The following CUL2 variants were observed in gnomAD, a reference collection of about 807,000 sequenced individuals.
The protein encoded by CUL2 is cullin-2.
Under a neutral mutation model 110.2 loss-of-function variants are expected in CUL2, and 22 were observed. The ratio of observed to expected loss-of-function variants is 0.20; its 90% CI spans 0.14 to 0.28. The LOEUF is 0.28. Among genes scored for constraint, CUL2 ranks in the 10% least tolerant of loss-of-function variants. CUL2 has a pLI of 1.00. For missense variants in CUL2, 631 were observed against 905.5 expected, an observed-to-expected ratio of 0.70 and a Z score of 3.89; for synonymous variants, 279 against 293.2, an observed-to-expected ratio of 0.95 and a Z score of 0.49.
intron 20 of CUL2, 66 bp from the exon 21 acceptor site, chr10:35,010,508 C>T: frequency 1.3e-6 from 2 of 1,488,150 alleles, no homozygotes; most frequent in Non-Finnish European, 1.8e-6. Flanking sequence ...GACTTTTAAC[C>T]AATCAGTTTA....
chr10:35,087,557 T>G (rs1017070803), intron 1 of CUL2, among the ~76,000 whole-genome samples: 1 of 152,128 alleles, frequency 6.6e-6, no homozygotes, highest in Non-Finnish European at 1.5e-5. Flanking sequence ...CAACTTAACA[T>G]GTCCAATCCA....
intron 1 of CUL2, among the ~76,000 whole-genome samples, chr10:35,075,682 A>ACACACACACG (rs1383849124): frequency 1.4e-5 from 2 of 139,082 alleles, no homozygotes; most frequent in African/African-American, 5.3e-5. Context: ...ACACACACAC[A>ACACACACACG]CGCACGCTCC....
intron 2 of CUL2, among the ~76,000 whole-genome samples, chr10:35,100,288 C>T (rs1482064021): frequency 6.6e-6 from 1 of 152,012 alleles, no homozygotes; most frequent in Non-Finnish European, 1.5e-5. Flanking sequence ...CCAAACATTC[C>T]GCTAGAAATA....
At chr10:35,075,792 AT>A (rs1404979173) in intron 1 of CUL2, among the ~76,000 whole-genome samples, 2 of 152,220 alleles carry the variant, frequency 1.3e-5, no homozygotes, top group African/African-American at 4.8e-5. Context: ...TTTTTATTAC[AT>A]TTGAAAACAC....
chr10:35,126,486 G>A (rs1171168498), intron 1 of CUL2: 1 of 152,842 alleles, frequency 6.5e-6, no homozygotes, highest in African/African-American at 2.4e-5. Flanking sequence ...AGGATCGCTT[G>A]AGCCTGGGGA....
At chr10:35,087,282 A>AT (rs149195366) in intron 1 of CUL2, among the ~76,000 whole-genome samples, 2,850 of 152,272 alleles carry the variant, frequency 0.019, 96 homozygotes, top group African/African-American at 0.065. Context: ...AACATCTTAA[A>AT]TTTTGAGCCA....
At position 35,031,427 on chromosome 10, in the gene CUL2, TGA is replaced by T; in HGVS notation, c.1300-43_1300-42del. On this transcript the variant is annotated intron_variant, in intron 13 of 20. Coordinates refer to ENST00000374749, the MANE Select transcript of CUL2 (RefSeq NM_003591.4). The surrounding 1 kb of genome is among the most constrained non-coding windows in gnomAD (Gnocchi z 4.4). The stretch of plus-strand genomic sequence containing the variant: ...TTTTAAAAGATTACTTCCTTTCTAA[TGA>T]TTTAGCATTCAGAAATAAAGTTGAC... 6.3e-7 allele frequency: 1 copy of T among 1,594,950 alleles called. No homozygotes were observed. The highest frequency in any genetic ancestry group is 8.6e-7 in the Non-Finnish European group (1 of 1,169,404).
chr10:35,107,203 T>C (rs1169194650), intron 1 of CUL2, among the ~76,000 whole-genome samples: 2 of 152,030 alleles, frequency 1.3e-5, no homozygotes, highest in African/African-American at 2.4e-5. Context: ...CTTGATCTCC[T>C]GACCTCGTGA....
chr10:35,019,028 T>C (rs547910958), intron 17 of CUL2, among the ~76,000 whole-genome samples: 1 of 152,336 alleles, frequency 6.6e-6, no homozygotes, highest in South Asian at 2.1e-4. Flanking sequence ...AATTATCATT[T>C]GGAGTATACT....
At chr10:35,086,764 C>T (rs1466169449) in intron 1 of CUL2, among the ~76,000 whole-genome samples, 1 of 152,066 alleles carries the variant, frequency 6.6e-6, no homozygotes, top group African/African-American at 2.4e-5. Flanking sequence ...AGGGCAGGGA[C>T]CAAATCAGAA....
intron 1 of CUL2, among the ~76,000 whole-genome samples, chr10:35,072,228 T>A (rs867279785): frequency 2.0e-5 from 3 of 148,986 alleles, no homozygotes; most frequent in Admixed American, 1.3e-4. Context: ...CTTTTAAGAT[T>A]AAAAAAAAAA....
At chr10:35,089,911 G>A (rs2087163965) in intron 1 of CUL2, 1 of 152,314 alleles carries the variant, frequency 6.6e-6, no homozygotes, top group African/African-American at 2.4e-5. Flanking sequence ...CTCCTTCGAA[G>A]GAAAATGGGG....
chr10:35,065,847 G>C lies in CUL2; in HGVS notation c.120-2785C>G, dbSNP rs189145185. ...GCATTCCAGCCTGGCAACAGAGCGA[G>C]ACACCATCTCAAAAAAGAAAAAAAA... On this transcript the variant is annotated intron_variant, in intron 2 of 20. Coordinates refer to ENST00000374749, the MANE Select transcript of CUL2 (RefSeq NM_003591.4). Among the ~76,000 whole-genome samples, 356 of 152,106 alleles carry C rather than the reference G, an allele frequency of 2.3e-3. 3 individuals are homozygous for C. Among genetic ancestry groups the C allele is most frequent in the African/African-American group, 8.2e-3 (341 of 41,478 alleles).
intron 1 of CUL2, among the ~76,000 whole-genome samples, chr10:35,085,588 CA>C (rs1564747253): frequency 6.8e-6 from 1 of 146,626 alleles, no homozygotes; most frequent in Non-Finnish European, 1.5e-5. Flanking sequence ...ATGAAAAATA[CA>C]AAAAATTAGC....
At chr10:35,084,457 A>C (rs1220007074) in intron 1 of CUL2, among the ~76,000 whole-genome samples, 2 of 152,208 alleles carry the variant, frequency 1.3e-5, no homozygotes, top group Non-Finnish European at 2.9e-5. Context: ...CTACTGTCTC[A>C]AAACTTTTAA....
chr10:35,033,023 AT>A, intron 11 of CUL2, 142 bp downstream of exon 11: 1 of 426,476 alleles, frequency 2.3e-6, no homozygotes, highest in Non-Finnish European at 4.1e-6. Flanking sequence ...AAATTATATT[AT>A]TTCTATTTTG....
chr10:35,043,122 C>T (rs1049695532), intron 8 of CUL2, among the ~76,000 whole-genome samples: 4 of 152,058 alleles, frequency 2.6e-5, no homozygotes, highest in Non-Finnish European at 4.4e-5. Flanking sequence ...TCACTACACA[C>T]GATGAATAAT....
At chr10:35,111,996 G>A (rs2135130209) in intron 1 of CUL2, among the ~76,000 whole-genome samples, 1 of 152,222 alleles carries the variant, frequency 6.6e-6, no homozygotes, top group Non-Finnish European at 1.5e-5. Context: ...ACTGTACAAG[G>A]GTCTATGTGT....
chr10:35,033,156 T>A lies in CUL2; in HGVS notation c.1110+10A>T, dbSNP rs1016302430. 1.9e-6 allele frequency: 3 copies of A among 1,584,010 alleles called. No homozygotes were observed. In the African/African-American group the frequency reaches 4.0e-5, roughly 21 times the overall value. ...TGTACATATATAGTATATATGTATT[T>A]AAAACTTACCTTATCCAACGCACTC... On this transcript the variant is annotated intron_variant, in intron 11 of 20. Coordinates refer to ENST00000374749, the MANE Select transcript of CUL2 (RefSeq NM_003591.4).
Sources: gnomAD v4.1 joint callset for allele counts (sites outside exome capture counted in the v4.1 genomes callset) on GRCh38, gnomAD v4.1.1 for gene constraint, Gnocchi (gnomAD v3.1) non-coding constraint, MANE v1.5 for transcripts, NCBI Gene and HGNC (gene_info 2026-07-23, HGNC 2026-07-21) for gene names.